Variants in RBM6 observed in about 807,000 individuals in gnomAD.
RBM6 encodes the protein RNA-binding protein 6.
RBM6 carries 23 observed loss-of-function variants against 140.4 expected under a neutral mutation model. The ratio of observed to expected loss-of-function variants is 0.16; its 90% CI spans 0.12 to 0.23. The LOEUF (loss-of-function observed/expected upper bound fraction) is 0.23, where lower values mean the gene tolerates loss of function less well. RBM6 is among the 10% of genes least tolerant of loss of function. The pLI, the probability that RBM6 is intolerant of heterozygous loss-of-function variation, is 1.00. For missense variants in RBM6, 1,139 were observed against 1,386.7 expected (o/e 0.82, Z 2.84); for synonymous variants, 439 against 475.6 (o/e 0.92, Z 1.00).
At chr3:49,943,485 TA>T (rs1423514394) in intron 1 of RBM6, among the ~76,000 whole-genome samples, 1 of 152,066 alleles carries the variant, frequency 6.6e-6, no homozygotes, top group Non-Finnish European at 1.5e-5. Context: ...GTTTAATTTT[TA>T]TTTTTTGTGA....
chr3:50,059,166 T>C (rs2089838749), intron 10 of RBM6, among the ~76,000 whole-genome samples: 1 of 152,212 alleles, frequency 6.6e-6, no homozygotes, highest in Non-Finnish European at 1.5e-5. Context: ...AACTTTCTGA[T>C]TTATTTTGTC....
intron 5 of RBM6, among the ~76,000 whole-genome samples, chr3:49,998,393 C>T (rs985385218): frequency 6.6e-6 from 1 of 152,118 alleles, no homozygotes; most frequent in African/African-American, 2.4e-5. Context: ...CTTTTTCTTG[C>T]GGTTCCATTT....
At chr3:50,034,629 C>T (rs368319990) in intron 6 of RBM6, among the ~76,000 whole-genome samples, 1 of 151,970 alleles carries the variant, frequency 6.6e-6, no homozygotes, top group Admixed American at 6.6e-5. Context: ...GGTGTAGTAG[C>T]GCATGCTTGT....
At position 49,968,156 on chromosome 3, in the gene RBM6, A is replaced by C. The variant is rs1024716384; in HGVS notation, c.731A>C (p.Asp244Ala). Reference protein sequence around the residue: ...DFRGRGSGTTDLDFRDRDTPH... With the variant: ...DFRGRGSGTTALDFRDRDTPH... Reference sequence around the variant, plus strand: ...AGAGGCCGAGGTTCAGGTACTACTGATCTAGACTTTAGGGACAGGGATACG... The same window carrying C: ...AGAGGCCGAGGTTCAGGTACTACTGCTCTAGACTTTAGGGACAGGGATACG... The change falls in exon 3 of 21, where the codon GAT becomes GCT. Residue 244 changes from aspartate to alanine, a missense_variant. Physicochemically the swap from Asp to Ala is moderately radical, Grantham distance 126. This residue lies in a region of RBM6 where 566 missense variants were observed against 612.7 expected (regional missense o/e 0.92). Coordinates refer to ENST00000266022, the MANE Select transcript of RBM6 (RefSeq NM_005777.3). The C allele has an allele frequency of 1.2e-6, 2 of 1,614,150 alleles. No individual in the cohort carries two copies. Among genetic ancestry groups the C allele is most frequent in the Non-Finnish European group, 1.7e-6 (2 of 1,180,032 alleles).
chr3:49,997,973 C>T (rs2086160998), intron 5 of RBM6, among the ~76,000 whole-genome samples: 1 of 152,114 alleles, frequency 6.6e-6, no homozygotes, highest in Non-Finnish European at 1.5e-5. Context: ...CCACGTTGGT[C>T]AAAACTAAAA....
intron 19 of RBM6, among the ~76,000 whole-genome samples, chr3:50,073,799 T>C (rs1482438665): frequency 1.3e-5 from 2 of 152,124 alleles, no homozygotes; most frequent in East Asian, 3.8e-4. Context: ...AGAGACATGA[T>C]TTAGCTTAAT....
Position 49,960,657 on chromosome 3 carries a change from G to A in RBM6, c.-66-1919G>A, listed in dbSNP as rs138772768. ...TTTCAGTAGCTATAACAAAGGTCCT[G>A]GAAATAACTTCTTATCTTGACTTGA... On this transcript the variant is annotated intron_variant, in intron 1 of 20. Transcript: ENST00000266022. 8.7e-3 allele frequency among the ~76,000 whole-genome samples: 1,325 copies of A among 152,186 alleles called. 15 individuals are homozygous for A. Among genetic ancestry groups the A allele is most frequent in the Non-Finnish European group, 0.01 (696 of 68,018 alleles).
chr3:49,979,093 T>C (rs1034152995), intron 5 of RBM6, among the ~76,000 whole-genome samples: 3 of 152,250 alleles, frequency 2.0e-5, no homozygotes, highest in Admixed American at 2.0e-4. Context: ...ATATATACAC[T>C]ACCATAAGGA....
intron 6 of RBM6, among the ~76,000 whole-genome samples, chr3:50,021,211 T>C (rs2087461796): frequency 6.6e-6 from 1 of 152,172 alleles, no homozygotes; most frequent in Non-Finnish European, 1.5e-5. Context: ...TGCTGTTATT[T>C]TGATGCGTAT....
intron 5 of RBM6, among the ~76,000 whole-genome samples, chr3:49,999,066 C>A (rs946805661): frequency 2.0e-5 from 2 of 102,276 alleles, no homozygotes; most frequent in Non-Finnish European, 2.0e-5. Context: ...CAGATACTTT[C>A]TTGCTCTTGT....
chr3:49,977,909 G>A (rs762188694), intron 5 of RBM6, among the ~76,000 whole-genome samples: 2 of 152,088 alleles, frequency 1.3e-5, no homozygotes, highest in African/African-American at 2.4e-5. Context: ...TTGAGCCTGA[G>A]AATTTGAGAT....
At chr3:50,049,981 GGTTA>G (rs1324044320) in intron 7 of RBM6, among the ~76,000 whole-genome samples, 1 of 151,554 alleles carries the variant, frequency 6.6e-6, no homozygotes, top group Non-Finnish European at 1.5e-5. Flanking sequence ...ATCATGTCCA[GGTTA>G]GTTCCAGAAA....
intron 15 of RBM6, among the ~76,000 whole-genome samples, chr3:50,063,841 C>A (rs184895085): frequency 6.6e-6 from 1 of 151,786 alleles, no homozygotes; most frequent in Admixed American, 6.6e-5. Context: ...GCAGAGGTTG[C>A]AGTGAGCCAA....
intron 1 of RBM6, among the ~76,000 whole-genome samples, chr3:49,946,897 C>T: frequency 6.8e-6 from 1 of 147,858 alleles, no homozygotes; most frequent in African/African-American, 2.5e-5. Context: ...GAAGTGGTAT[C>T]TTATTGTGGT....
rs77176161 is a variant in RBM6, at chr3:49,976,856, A to G, written c.1483+1464A>G. Among the ~76,000 whole-genome samples, 924 of 152,352 alleles carry G rather than the reference A, an allele frequency of 6.1e-3. 10 individuals carry two copies. The highest frequency in any genetic ancestry group is 0.021 in the African/African-American group (872 of 41,588). ...TAGAATTGGCAGACTGAAGACATTG[A>G]TACACATGGGAAATCATTCAGGGCA... On this transcript the variant is annotated intron_variant, in intron 5 of 20. Coordinates refer to ENST00000266022, the MANE Select transcript of RBM6 (RefSeq NM_005777.3).
intron 6 of RBM6, among the ~76,000 whole-genome samples, chr3:50,009,160 T>C (rs550743355): frequency 6.6e-6 from 1 of 152,316 alleles, no homozygotes; most frequent in East Asian, 1.9e-4. Flanking sequence ...CATAGTGCTT[T>C]TGTTCAGGAC....
At chr3:50,020,480 CTT>C (rs2087420936) in intron 6 of RBM6, among the ~76,000 whole-genome samples, 1 of 152,118 alleles carries the variant, frequency 6.6e-6, no homozygotes, top group Non-Finnish European at 1.5e-5. Context: ...TTTTTCTTCT[CTT>C]TTAATATATG....
In RBM6 at chr3:50,069,535, C is replaced by G. The variant is rs2090232215; in HGVS notation, c.3018+771C>G. On this transcript the variant is annotated intron_variant, in intron 18 of 20. Transcript: ENST00000266022. Reference sequence around the variant, plus strand: ...AAAAAAAAAAAAAAAAGGAAGCCACCTGTGGAGAGCCAGGCACAGTGGCAC... The same window carrying G: ...AAAAAAAAAAAAAAAAGGAAGCCACGTGTGGAGAGCCAGGCACAGTGGCAC... 3.3e-5 allele frequency among the ~76,000 whole-genome samples: 5 copies of G among 149,920 alleles called. No homozygotes were observed. In the East Asian group the frequency reaches 5.8e-4, roughly 17 times the overall value.
intron 3 of RBM6, among the ~76,000 whole-genome samples, chr3:49,969,676 C>A (rs2084694070): frequency 6.6e-6 from 1 of 151,654 alleles, no homozygotes; most frequent in Non-Finnish European, 1.5e-5. Flanking sequence ...TGGCTCCTTG[C>A]AGCCTTGACC....
Sources: allele counts gnomAD v4.1 joint callset (sites outside exome capture counted in the v4.1 genomes callset), GRCh38; gene constraint gnomAD v4.1.1; regional missense constraint gnomAD v4.1.1; transcripts MANE v1.5; gene names NCBI Gene and HGNC (gene_info 2026-07-23, HGNC 2026-07-21).